UBA5: variants seen among roughly 807,000 people sequenced by gnomAD.
UBA5 encodes ubiquitin-like modifier-activating enzyme 5.
UBA5 carries 28 observed loss-of-function variants against 52.9 expected under a neutral mutation model. That is an observed-to-expected ratio of 0.53 (90% CI 0.39 to 0.73). UBA5 has a LOEUF of 0.73. Ranked by LOEUF, UBA5 falls within the 30% of genes least tolerant of loss-of-function variation. The probability of loss-of-function intolerance (pLI) is 0.00; values close to 1 mark genes in which losing one functional copy is unlikely to be tolerated. For synonymous variants in UBA5, 135 were observed against 162.1 expected (o/e 0.83, Z 1.27); for missense variants, 388 against 492.7 (o/e 0.79, Z 2.01).
intron 8 of UBA5, among the ~76,000 whole-genome samples, chr3:132,674,385 C>T (rs752969077): frequency 4.6e-5 from 7 of 152,124 alleles, no homozygotes; most frequent in Non-Finnish European, 8.8e-5. Context: ...TTTGCGCCAA[C>T]CTAATAAAAG....
At chr3:132,661,847 T>C (rs1938181977) in intron 1 of UBA5, among the ~76,000 whole-genome samples, 1 of 152,244 alleles carries the variant, frequency 6.6e-6, no homozygotes. Context: ...GTTTGTGATA[T>C]ATAAAGCCGC....
intron 8 of UBA5, among the ~76,000 whole-genome samples, chr3:132,674,575 G>A (rs541487275): frequency 5.9e-5 from 9 of 152,184 alleles, no homozygotes; most frequent in Admixed American, 4.6e-4. Context: ...GCCTGTAGTC[G>A]CAGCTACTTG....
Position 132,666,301 on chromosome 3 carries a change from C to T in UBA5, c.297+228C>T, listed in dbSNP as rs113248560. ...AAACGTTTTTGTTTGAAGTAATATG[C>T]AAACAATTTGGACTTAGGTGTTTTA... On this transcript the variant is annotated intron_variant, in intron 3 of 11. Transcript: ENST00000356232. The T allele has an allele frequency of 5.4e-4, 274 of 510,912 alleles. 1 individual carries two copies. Among genetic ancestry groups the T allele is most frequent in the African/African-American group, 4.0e-3 (207 of 52,400 alleles). 31.6% of individuals were successfully genotyped at this position (510,912 alleles called of 1,614,324 possible).
At chr3:132,654,916 A>T (rs1369747871) in intron 1 of UBA5, among the ~76,000 whole-genome samples, 2 of 152,232 alleles carry the variant, frequency 1.3e-5, no homozygotes, top group Non-Finnish European at 2.9e-5. Context: ...CCGATAGGAC[A>T]CACCTGAGCT....
In UBA5 at chr3:132,675,827, G is replaced by T. The variant is rs143023981; in HGVS notation, c.1035G>T (p.Leu345=). The part of the protein sequence containing the change: ...IHEDNEWGIE[L]VSEVSEEELK... ...GGATCAAATTTACAGGTATTGAGCT[G>T]GTATCTGAGGTTTCAGAAGAGGAAC... The change falls in exon 11 of 12, where the codon CTG becomes CTT. Residue 345 remains leucine, a synonymous_variant. Transcript: ENST00000356232. 6.8e-6 allele frequency: 11 copies of T among 1,609,286 alleles called. No individual in the cohort carries two copies. The highest frequency in any genetic ancestry group is 9.3e-6 in the Non-Finnish European group (11 of 1,178,130).
upstream of UBA5, chr3:132,659,532 C>A: frequency 6.3e-7 from 1 of 1,598,992 alleles, no homozygotes; most frequent in East Asian, 2.3e-5. Context: ...TAGGAAACCA[C>A]CCAGGGCCAA....
At position 132,672,056 on chromosome 3, in the gene UBA5, C is replaced by T; in HGVS notation, c.691C>T (p.Pro231Ser). The T allele has an allele frequency of 6.2e-7, 1 of 1,613,434 alleles. No homozygotes were observed. Among genetic ancestry groups the T allele is most frequent in the Non-Finnish European group, 8.5e-7 (1 of 1,179,776 alleles). The change falls in exon 8 of 12, where the codon CCA becomes TCA. Residue 231 changes from proline to serine, a missense_variant. Transcript: ENST00000356232. ...PGESACFACA[P>S]PLVVAANIDE... Reference sequence around the variant, plus strand: ...TGTTTTATTTTTCATGTAGTGTGCTCCACCACTTGTAGTTGCTGCAAATAT... The same window carrying T: ...TGTTTTATTTTTCATGTAGTGTGCTTCACCACTTGTAGTTGCTGCAAATAT...
chr3:132,662,566 G>A (rs1478633449), intron 1 of UBA5, among the ~76,000 whole-genome samples: 1 of 152,124 alleles, frequency 6.6e-6, no homozygotes, highest in Admixed American at 6.5e-5. Flanking sequence ...TATAGGAAAG[G>A]GATATGTATG....
At position 132,660,906 on chromosome 3, in the gene UBA5, GC is replaced by G; in HGVS notation, c.161+210del. ...TTTTTTAAAAACCTCCAGTGAGTCA[GC>G]CATATGGTGCTGCTCCTGTGCCTGC... On this transcript the variant is annotated intron_variant, in intron 1 of 11. Transcript: ENST00000356232. This position sits in a 1 kb window ranked among gnomAD's most constrained non-coding sequence, Gnocchi z 4.1. 1.4e-6 allele frequency: 2 copies of G among 1,464,760 alleles called. No homozygotes were observed. Among genetic ancestry groups the G allele is most frequent in the Non-Finnish European group, 1.8e-6 (2 of 1,111,490 alleles). 90.7% of individuals were successfully genotyped at this position (1,464,760 alleles called of 1,614,324 possible).
chr3:132,665,056 G>T (rs904770022), intron 1 of UBA5, among the ~76,000 whole-genome samples: 9 of 152,064 alleles, frequency 5.9e-5, no homozygotes, highest in African/African-American at 2.2e-4. Context: ...ATCTAACCAA[G>T]ATGACTATCT....
rs746723975 is a variant in UBA5 at position 132,675,731 on chromosome 3, T to A, written c.1024+51T>A. The stretch of plus-strand genomic sequence containing the variant: ...TGGCAGTATAAAACAAAACCTTTTA[T>A]GGTAGCAAATCTAATAAGATTATAC... On this transcript the variant is annotated intron_variant, in intron 10 of 11. Transcript: ENST00000356232. 4 of 1,547,584 alleles carry A rather than the reference T, an allele frequency of 2.6e-6. No individual in the cohort carries two copies. The East Asian group carries it at 9.0e-5, about 35-fold the overall frequency.
At chr3:132,671,391 A>T (rs996224963) in intron 6 of UBA5, among the ~76,000 whole-genome samples, 3 of 152,180 alleles carry the variant, frequency 2.0e-5, no homozygotes, top group Non-Finnish European at 4.4e-5. Context: ...ATAAATATGT[A>T]TAAATTGCCT....
chr3:132,665,060 ACTAT>A (rs1938318185), intron 1 of UBA5, among the ~76,000 whole-genome samples: 1 of 152,126 alleles, frequency 6.6e-6, no homozygotes, highest in Admixed American at 6.6e-5. Flanking sequence ...AACCAAGATG[ACTAT>A]CTAACAATAT....
At chr3:132,655,108 GC>G (rs1381667125) in intron 1 of UBA5, among the ~76,000 whole-genome samples, 2 of 152,116 alleles carry the variant, frequency 1.3e-5, no homozygotes. Flanking sequence ...CGTATATGCA[GC>G]CCGTCATTGA....
upstream of UBA5, among the ~76,000 whole-genome samples, chr3:132,658,859 T>C (rs753148999): frequency 7.2e-5 from 11 of 152,206 alleles, no homozygotes; most frequent in Non-Finnish European, 1.2e-4. Flanking sequence ...ATAAGACTAA[T>C]CAAAATAGGT....
At chr3:132,654,554 C>T (rs752287654) in exon 1 of UBA5, 4 of 152,130 alleles carry the variant, frequency 2.6e-5, no homozygotes, top group South Asian at 2.1e-4. Flanking sequence ...TGTGGAGAGC[C>T]GTAAAAGCCA....
In UBA5 at chr3:132,668,759, T is replaced by C. The variant is rs557889976; in HGVS notation, c.298-59T>C. 9.7e-5 allele frequency: 105 copies of C among 1,081,670 alleles called. 1 individual carries two copies. In the South Asian group the frequency reaches 1.5e-3, roughly 16 times the overall value. The allele number at this position is 1,081,670 out of a possible 1,614,324, so 67.0% of individuals were successfully genotyped here. ...AAATGTAAAGCTCTCTAATTTATTT[T>C]TTGATATGTTTAGTTTTTTGGTATG... On this transcript the variant is annotated intron_variant, in intron 3 of 11. Transcript: ENST00000356232.
chr3:132,671,638 T>G, intron 6 of UBA5, 139 bp from the exon 7 acceptor site: 1 of 625,884 alleles, frequency 1.6e-6, no homozygotes, highest in Non-Finnish European at 2.7e-6. Context: ...AGGAATTCCA[T>G]TATCTTACAA....
At chr3:132,666,876 T>G (rs1938399360) in intron 3 of UBA5, among the ~76,000 whole-genome samples, 1 of 152,188 alleles carries the variant, frequency 6.6e-6, no homozygotes, top group African/African-American at 2.4e-5. Context: ...TATAGCTGAC[T>G]TAAGCACCCT....
Sources: allele counts gnomAD v4.1 joint callset (sites outside exome capture counted in the v4.1 genomes callset), GRCh38; gene constraint gnomAD v4.1.1; non-coding constraint Gnocchi (gnomAD v3.1); transcripts MANE v1.5; gene names NCBI Gene and HGNC (gene_info 2026-07-23, HGNC 2026-07-21).